CACNA1E: variants seen among roughly 807,000 people sequenced by gnomAD.
The protein encoded by CACNA1E is voltage-dependent R-type calcium channel subunit alpha-1E.
In CACNA1E, 40 loss-of-function variants were observed where a neutral mutation model predicts 259.2. The ratio of observed to expected loss-of-function variants is 0.15; its 90% CI spans 0.12 to 0.20. CACNA1E has a LOEUF of 0.20. CACNA1E is among the 10% of genes least tolerant of loss of function. The probability of loss-of-function intolerance (pLI) is 1.00; values close to 1 mark genes in which losing one functional copy is unlikely to be tolerated. For missense variants in CACNA1E, 1,874 were observed against 3,040.1 expected, an observed-to-expected ratio of 0.62 and a Z score of 9.02; for synonymous variants, 1,104 against 1,138.5, an observed-to-expected ratio of 0.97 and a Z score of 0.61.
intron 1 of CACNA1E, among the ~76,000 whole-genome samples, chr1:181,375,364 A>C (rs1169070015): frequency 6.6e-6 from 1 of 152,174 alleles, no homozygotes; most frequent in Non-Finnish European, 1.5e-5. Flanking sequence ...ACTGATGTTT[A>C]TGTCCCCCCA....
chr1:181,618,582 A>G (rs964163035), intron 6 of CACNA1E, among the ~76,000 whole-genome samples: 6 of 152,234 alleles, frequency 3.9e-5, no homozygotes, highest in African/African-American at 1.4e-4. Context: ...AAGAAAAAAG[A>G]AACCATCTGG....
chr1:181,383,405 C>T (rs1289608635), intron 1 of CACNA1E, among the ~76,000 whole-genome samples: 1 of 152,122 alleles, frequency 6.6e-6, no homozygotes, highest in African/African-American at 2.4e-5. Context: ...ATTCATTTAT[C>T]TCTACACAGG....
Position 181,790,476 on chromosome 1 carries a change from C to A in CACNA1E, c.5818C>A (p.Pro1940Thr). The change falls in exon 44 of 48, where the codon CCA becomes ACA. Residue 1940 changes from proline to threonine, a missense_variant. Transcript: ENST00000367573. ...CCGGAGTGGATACCCTTCGATGAGTCCACTCTCTCCCCAGGATATATTCCA... is the reference window on the plus strand; with the variant it reads ...CCGGAGTGGATACCCTTCGATGAGTACACTCTCTCCCCAGGATATATTCCA... The part of the protein sequence containing the change: ...SGRSGYPSMS[P>T]LSPQDIFQLA... The A allele has an allele frequency of 6.2e-7, 1 of 1,613,202 alleles. No homozygotes were observed. The highest frequency in any genetic ancestry group is 1.7e-5 in the Admixed American group (1 of 60,008).
intron 6 of CACNA1E, among the ~76,000 whole-genome samples, chr1:181,604,331 G>A (rs1448941958): frequency 6.6e-6 from 1 of 152,080 alleles, no homozygotes; most frequent in Non-Finnish European, 1.5e-5. Flanking sequence ...TTAGATATCC[G>A]GGTTCAATAT....
At chr1:181,341,099 G>A (rs765446881) in intron 1 of CACNA1E, among the ~76,000 whole-genome samples, 23 of 152,162 alleles carry the variant, frequency 1.5e-4, no homozygotes, top group Admixed American at 1.3e-4. Flanking sequence ...AGTTACTCCC[G>A]CGTCCTGATG....
intron 6 of CACNA1E, among the ~76,000 whole-genome samples, chr1:181,586,114 A>G (rs1179429750): frequency 6.6e-6 from 1 of 152,194 alleles, no homozygotes; most frequent in Non-Finnish European, 1.5e-5. Context: ...TGGATTCTGC[A>G]TATATTTTTA....
intron 7 of CACNA1E, among the ~76,000 whole-genome samples, chr1:181,672,897 C>T (rs1648950278): frequency 6.6e-6 from 1 of 152,144 alleles, no homozygotes; most frequent in Admixed American, 6.5e-5. Context: ...TTTTCTCTTC[C>T]CTGTCCTTCG....
At chr1:181,578,695 A>G (rs1651221193) in intron 4 of CACNA1E, among the ~76,000 whole-genome samples, 1 of 152,246 alleles carries the variant, frequency 6.6e-6, no homozygotes, top group Admixed American at 6.5e-5. Context: ...GCTGCAACAA[A>G]CACCTTTTTA....
chr1:181,622,556 T>C (rs910441971), intron 6 of CACNA1E, among the ~76,000 whole-genome samples: 3 of 152,182 alleles, frequency 2.0e-5, no homozygotes, highest in Non-Finnish European at 4.4e-5. Context: ...TCTGTGTGCA[T>C]GCATCTTTTG....
At chr1:181,477,326 T>C (rs1204760997) in intron 2 of CACNA1E, among the ~76,000 whole-genome samples, 1 of 152,192 alleles carries the variant, frequency 6.6e-6, no homozygotes, top group Non-Finnish European at 1.5e-5. Context: ...TGTGGTGCAC[T>C]CCACATCCCG....
chr1:181,368,631 G>A (rs1170456690), intron 1 of CACNA1E, among the ~76,000 whole-genome samples: 1 of 152,112 alleles, frequency 6.6e-6, no homozygotes, highest in African/African-American at 2.4e-5. Context: ...GGGGTTGGGG[G>A]GCAGGACCAG....
intron 6 of CACNA1E, among the ~76,000 whole-genome samples, chr1:181,594,398 G>A (rs1232053829): frequency 1.3e-5 from 2 of 152,106 alleles, no homozygotes; most frequent in African/African-American, 2.4e-5. Context: ...ATCAGGCATT[G>A]GGTTATATTC....
rs181667433 is a variant in CACNA1E, at chr1:181,656,053, C to T, written c.1055+4612C>T. On this transcript the variant is annotated intron_variant, in intron 7 of 47. Transcript: ENST00000367573. ...TGGTGTAAAAAAACCCTGAATTGTC[C>T]ATCATATAACAGTAGAACATATACA... is the stretch of plus-strand genomic sequence containing the variant. Among the ~76,000 whole-genome samples, 4 of 152,278 alleles carry T rather than the reference C, an allele frequency of 2.6e-5. No homozygotes were observed. In the East Asian group the frequency reaches 7.7e-4, roughly 29 times the overall value.
chr1:181,422,117 C>A (rs773134967), intron 2 of CACNA1E, among the ~76,000 whole-genome samples: 5 of 152,172 alleles, frequency 3.3e-5, no homozygotes, highest in African/African-American at 9.7e-5. Flanking sequence ...CCATTTGGAC[C>A]TTAGCTCAAA....
chr1:181,541,791 T>G (rs528765960), intron 3 of CACNA1E, among the ~76,000 whole-genome samples: 2 of 152,336 alleles, frequency 1.3e-5, no homozygotes, highest in East Asian at 3.9e-4. Flanking sequence ...TGGCATGAAC[T>G]CTGGAGCCAG....
chr1:181,554,431 A>C (rs1259368646), intron 3 of CACNA1E, among the ~76,000 whole-genome samples: 1 of 152,190 alleles, frequency 6.6e-6, no homozygotes, highest in Admixed American at 6.5e-5. Flanking sequence ...ATTTTTGTCA[A>C]GGGGCTTGCT....
In CACNA1E at chr1:181,720,348, A is replaced by C. The variant is rs746104157; in HGVS notation, c.1883+11A>C. ...GTTATTTGGAGGCAGGTAAGTGCCCAGAAGCTTTCCATCCAAAGGAGGCTC... is the reference window on the plus strand; with the variant it reads ...GTTATTTGGAGGCAGGTAAGTGCCCCGAAGCTTTCCATCCAAAGGAGGCTC... On this transcript the variant is annotated intron_variant, in intron 14 of 47. Transcript: ENST00000367573. 2 of 1,610,596 alleles carry C rather than the reference A, an allele frequency of 1.2e-6. No individual in the cohort carries two copies. The highest frequency in any genetic ancestry group is 3.4e-5 in the Admixed American group (2 of 59,556).
At chr1:181,724,695 A>G (rs1286575390) in intron 17 of CACNA1E, among the ~76,000 whole-genome samples, 158 bp downstream of exon 17, 2 of 152,186 alleles carry the variant, frequency 1.3e-5, no homozygotes, top group African/African-American at 4.8e-5. Context: ...CACACCCATG[A>G]CGGAAGGCTG....
intron 10 of CACNA1E, among the ~76,000 whole-genome samples, 184 bp from the exon 11 acceptor site, chr1:181,716,909 A>G (rs1227502530): frequency 2.6e-5 from 4 of 152,216 alleles, no homozygotes; most frequent in Non-Finnish European, 5.9e-5. Context: ...GAGTGCCCAG[A>G]GAGGAAAAAC....
Sources: allele counts gnomAD v4.1 joint callset (sites outside exome capture counted in the v4.1 genomes callset), GRCh38; gene constraint gnomAD v4.1.1; transcripts MANE v1.5; gene names NCBI Gene and HGNC (gene_info 2026-07-23, HGNC 2026-07-21).